Variants in DENND2C observed in about 807,000 individuals in gnomAD.
DENND2C encodes DENN domain-containing protein 2C.
In DENND2C, 72 loss-of-function variants were observed where a neutral mutation model predicts 112.4. The observed-to-expected ratio is 0.64, with a 90% confidence interval of 0.53 to 0.78. The LOEUF is 0.78. Ranked by LOEUF, DENND2C falls within the 30% of genes least tolerant of loss-of-function variation. The pLI is 0.00. For missense variants in DENND2C, 992 were observed against 1,113.8 expected, an observed-to-expected ratio of 0.89 and a Z score of 1.56; for synonymous variants, 329 against 381.6, an observed-to-expected ratio of 0.86 and a Z score of 1.61.
rs761941911 is a variant in DENND2C at position 114,588,257 on chromosome 1, T to C, written c.2432-305A>G. ...ACTGGTGAGAGCCAGCCAAATTTAATCTGCTTTTCTATTTTTATCTCCTTT... is the reference window on the plus strand; with the variant it reads ...ACTGGTGAGAGCCAGCCAAATTTAACCTGCTTTTCTATTTTTATCTCCTTT... On this transcript the variant is annotated intron_variant, in intron 18 of 20. Coordinates refer to ENST00000393274, the MANE Select transcript of DENND2C (RefSeq NM_001256404.2). Among the ~76,000 whole-genome samples the C allele has an allele frequency of 1.1e-4, 16 of 152,230 alleles. 1 individual carries two copies. Among genetic ancestry groups the C allele is most frequent in the Admixed American group, 2.6e-4 (4 of 15,278 alleles).
chr1:114,588,095 C>G (rs982060724), intron 18 of DENND2C, 143 bp from the exon 19 acceptor site: 2 of 730,746 alleles, frequency 2.7e-6, no homozygotes, highest in South Asian at 3.9e-5. Flanking sequence ...TCATTCTTCA[C>G]TTTCTTTCTG....
rs996489276 is a variant in DENND2C at position 114,621,964 on chromosome 1, G to C, written c.1158C>G (p.Val386=). ...GGAAAAGCTTCCATTCCGTTAAAGT[G>C]ACCGGCAAAGTTGTATCTTTTGTAA... ...SKLTKDTTLP[V]TLTEWKLFRA... Residue 386 remains valine (V), a synonymous_variant, in exon 7 of 21, where the codon GTC becomes GTG. Coordinates refer to ENST00000393274, the MANE Select transcript of DENND2C (RefSeq NM_001256404.2). 3.2e-6 allele frequency: 5 copies of C among 1,550,746 alleles called. No individual in the cohort carries two copies. The highest frequency in any genetic ancestry group is 4.4e-6 in the Non-Finnish European group (5 of 1,147,024).
intron 3 of DENND2C, among the ~76,000 whole-genome samples, chr1:114,634,330 T>C (rs1381397019): frequency 6.6e-6 from 1 of 152,148 alleles, no homozygotes; most frequent in Non-Finnish European, 1.5e-5. Flanking sequence ...CATACTCTTT[T>C]CTTTCTTTTT....
rs767750490 is a variant in DENND2C, at chr1:114,625,245, G to A, written c.740C>T (p.Ser247Phe). ...YCENNSCAQS[S>F]LASSQEPEPK... Reference sequence around the variant, plus strand: ...TTCAGGTTCCTGAGAAGAGGCCAAAGAAGATTGTGCACAAGAGTTATTTTC... The same window carrying A: ...TTCAGGTTCCTGAGAAGAGGCCAAAAAAGATTGTGCACAAGAGTTATTTTC... Residue 247 changes from serine to phenylalanine, a missense_variant, in exon 4 of 21, where the codon TCT becomes TTT. Physicochemically the swap from Ser to Phe is radical, Grantham distance 155 (BLOSUM62 -2). Around this residue, in one of 3 missense-constraint regions of DENND2C, gnomAD observed 470 missense variants for 472.7 expected, o/e 0.99. Transcript: ENST00000393274. 22 of 1,613,918 alleles carry A rather than the reference G, an allele frequency of 1.4e-5. No individual in the cohort carries two copies. The East Asian group carries it at 4.7e-4, about 34-fold the overall frequency.
chr1:114,669,508 G>A (rs1276697416), intron 1 of DENND2C, among the ~76,000 whole-genome samples: 1 of 152,140 alleles, frequency 6.6e-6, no homozygotes, highest in African/African-American at 2.4e-5. Flanking sequence ...GGTATTGTGC[G>A]TATTAGATGC....
chr1:114,592,193 A>G (rs1655213554), intron 18 of DENND2C, among the ~76,000 whole-genome samples: 1 of 151,958 alleles, frequency 6.6e-6, no homozygotes, highest in Non-Finnish European at 1.5e-5. Flanking sequence ...CCCTAGTATC[A>G]TTTATTAAAT....
At position 114,587,478 on chromosome 1, in the gene DENND2C, A is replaced by C. The variant is rs151012807; in HGVS notation, c.2669-5T>G. 6 of 1,614,102 alleles carry C rather than the reference A, an allele frequency of 3.7e-6. No homozygotes were observed. The highest frequency in any genetic ancestry group is 5.1e-6 in the Non-Finnish European group (6 of 1,179,982). On this transcript the variant is annotated splice_region_variant and splice_polypyrimidine_tract_variant and intron_variant, in intron 19 of 20. Transcript: ENST00000393274. The stretch of plus-strand genomic sequence containing the variant: ...TGGCCCGGATCTCAAACAAACCTAC[A>C]AGGAAAAACTCATGTTGGTGAAACT...
chr1:114,611,189 A>C, intron 8 of DENND2C, 72 bp from the exon 9 acceptor site: 1 of 1,544,976 alleles, frequency 6.5e-7, no homozygotes, highest in Non-Finnish European at 8.9e-7. Flanking sequence ...GAACAATGTA[A>C]ACCCACAAAC....
At chr1:114,634,015 T>A (rs1045127433) in intron 3 of DENND2C, among the ~76,000 whole-genome samples, 1 of 152,088 alleles carries the variant, frequency 6.6e-6, no homozygotes, top group African/African-American at 2.4e-5. Context: ...GAGCAAGAAA[T>A]AACAGCAGTG....
At chr1:114,609,840 C>G (rs1300889366) in intron 9 of DENND2C, among the ~76,000 whole-genome samples, 1 of 152,186 alleles carries the variant, frequency 6.6e-6, no homozygotes, top group Non-Finnish European at 1.5e-5. Context: ...CCGGAATTAT[C>G]CAGTACATTC....
intron 3 of DENND2C, among the ~76,000 whole-genome samples, chr1:114,638,212 T>C (rs1656709347): frequency 1.3e-5 from 2 of 151,740 alleles, no homozygotes; most frequent in Admixed American, 1.3e-4. Flanking sequence ...TCAGAACAAA[T>C]AGGTATCTAT....
At chr1:114,627,012 TTACTATTAGCAG>T (rs1348108353) in intron 3 of DENND2C, among the ~76,000 whole-genome samples, 2 of 152,148 alleles carry the variant, frequency 1.3e-5, no homozygotes, top group Admixed American at 1.3e-4. Context: ...TATTTCAACT[TTACTATTAGCAG>T]CACAGGATTC....
At chr1:114,601,099 A>G (rs188104546) in intron 13 of DENND2C, 139 bp from the exon 14 acceptor site, 845 of 931,840 alleles carry the variant, frequency 9.1e-4, no homozygotes, top group Non-Finnish European at 1.1e-3. Context: ...TCTGCAATCA[A>G]TAAAAGTTAA....
At chr1:114,646,765 T>C (rs540557170) in intron 2 of DENND2C, among the ~76,000 whole-genome samples, 3 of 152,336 alleles carry the variant, frequency 2.0e-5, no homozygotes, top group African/African-American at 7.2e-5. Context: ...CACATCCTAA[T>C]GTACCATCTT....
Position 114,585,410 on chromosome 1 carries a change from C to G in DENND2C, c.*190G>C, listed in dbSNP as rs909875259. 1.2e-5 allele frequency: 7 copies of G among 605,634 alleles called. No individual in the cohort carries two copies. In the South Asian group the frequency reaches 1.2e-4, roughly 10 times the overall value. The allele number at this position is 605,634 out of a possible 1,614,324, so 37.5% of individuals were successfully genotyped here. A position where few individuals can be genotyped will look rare whatever the true frequency, so the allele number is the denominator to read the frequency against. On this transcript the variant is annotated 3_prime_UTR_variant, in exon 21 of 21. Coordinates refer to ENST00000393274, the MANE Select transcript of DENND2C (RefSeq NM_001256404.2). The stretch of plus-strand genomic sequence containing the variant: ...AGAGTAAAGATGGCATGGTGCCAGA[C>G]CATTCCCAACAATTCTCCAGTGATT...
chr1:114,637,229 A>C (rs1352637997), intron 3 of DENND2C, among the ~76,000 whole-genome samples: 1 of 151,152 alleles, frequency 6.6e-6, no homozygotes, highest in Non-Finnish European at 1.5e-5. Flanking sequence ...TAGCCTCCCA[A>C]AGTGGTAGGA....
rs569074581 is a variant in DENND2C at position 114,669,645 on chromosome 1, C to G, written c.-574+338G>C. On this transcript the variant is annotated intron_variant, in intron 1 of 20. Coordinates refer to ENST00000393274, the MANE Select transcript of DENND2C (RefSeq NM_001256404.2). ...GCGTTTCCCCAGGCTGCCGGGCGCT[C>G]CCTCCCTCTTCCCCAGCAGAGAGCG... Among the ~76,000 whole-genome samples the G allele has an allele frequency of 3.3e-5, 5 of 152,286 alleles. No individual in the cohort carries two copies. In the East Asian group the frequency reaches 7.8e-4, roughly 24 times the overall value.
chr1:114,639,318 T>C (rs1378256924), intron 3 of DENND2C, among the ~76,000 whole-genome samples: 2 of 152,190 alleles, frequency 1.3e-5, no homozygotes, highest in African/African-American at 2.4e-5. Flanking sequence ...CGGTGGCTCA[T>C]GCTTGTAATC....
chr1:114,634,794 G>A (rs1342163044), intron 3 of DENND2C, among the ~76,000 whole-genome samples: 1 of 152,016 alleles, frequency 6.6e-6, no homozygotes, highest in African/African-American at 2.4e-5. Context: ...TTGGGAGGCC[G>A]AGGCGAGCAG....
Sources: gnomAD v4.1 joint callset for allele counts (sites outside exome capture counted in the v4.1 genomes callset) on GRCh38, gnomAD v4.1.1 for gene constraint, gnomAD v4.1.1 regional missense constraint, MANE v1.5 for transcripts, NCBI Gene and HGNC (gene_info 2026-07-23, HGNC 2026-07-21) for gene names.